The following WDSUB1 variants were observed in gnomAD, a reference collection of about 807,000 sequenced individuals.
The protein encoded by WDSUB1 is WD repeat, sterile alpha motif and U-box domain containing 1, also known as WD repeat, SAM and U-box domain-containing protein 1.
A neutral mutation model predicts 53.9 loss-of-function variants in WDSUB1; 49 were observed. That is an observed-to-expected ratio of 0.91 (90% CI 0.72 to 1.15). WDSUB1 has a LOEUF of 1.15. Among genes scored for constraint, WDSUB1 ranks in the 50% most tolerant of loss-of-function variants. The pLI, the probability that WDSUB1 is intolerant of heterozygous loss-of-function variation, is 0.00. For synonymous variants in WDSUB1, 194 were observed against 200.6 expected, an observed-to-expected ratio of 0.97 and a Z score of 0.28; for missense variants, 514 against 562.0, an observed-to-expected ratio of 0.91 and a Z score of 0.86.
At chr2:159,266,979 C>T (rs2061359163) in intron 5 of WDSUB1, among the ~76,000 whole-genome samples, 1 of 151,926 alleles carries the variant, frequency 6.6e-6, no homozygotes, top group Non-Finnish European at 1.5e-5. Context: ...TCCTATGTTG[C>T]CCAGGCTGGT....
intron 9 of WDSUB1, among the ~76,000 whole-genome samples, chr2:159,252,646 C>A (rs956180239): frequency 3.3e-5 from 5 of 152,144 alleles, no homozygotes; most frequent in African/African-American, 1.2e-4. Flanking sequence ...AACAAAAAAA[C>A]TGTAAATGTT....
chr2:159,241,415 A>T (rs2060643513), intron 10 of WDSUB1, among the ~76,000 whole-genome samples: 2 of 152,166 alleles, frequency 1.3e-5, no homozygotes, highest in Non-Finnish European at 2.9e-5. Flanking sequence ...TACAAAAATT[A>T]GCCAGACATG....
intron 10 of WDSUB1, 54 bp downstream of exon 10, chr2:159,248,318 T>C (rs1559532797): frequency 6.3e-7 from 1 of 1,578,922 alleles, no homozygotes; most frequent in East Asian, 2.3e-5. Context: ...GTCTAAACTT[T>C]TTATTCATTT....
intron 4 of WDSUB1, among the ~76,000 whole-genome samples, chr2:159,274,874 T>C (rs2061508142): frequency 6.6e-6 from 1 of 152,210 alleles, no homozygotes; most frequent in Admixed American, 6.5e-5. Flanking sequence ...TTTGAGATCT[T>C]ACATTTATAA....
intron 6 of WDSUB1, 84 bp downstream of exon 6, chr2:159,259,726 C>T: frequency 7.4e-7 from 1 of 1,346,298 alleles, no homozygotes; most frequent in Non-Finnish European, 1.0e-6. Flanking sequence ...AAAATATATA[C>T]TTTTTCTACC....
chr2:159,236,996 C>CTACTT (rs1387196051), intron 10 of WDSUB1, among the ~76,000 whole-genome samples: 1 of 152,196 alleles, frequency 6.6e-6, no homozygotes, highest in Non-Finnish European at 1.5e-5. Flanking sequence ...TTTTGCTTCA[C>CTACTT]TACTTTCATT....
intron 5 of WDSUB1, among the ~76,000 whole-genome samples, chr2:159,266,440 G>C (rs61141155): frequency 0.11 from 16,448 of 152,106 alleles, 2,144 homozygotes; most frequent in African/African-American, 0.31. Flanking sequence ...CGCCCGCCTC[G>C]GCCTCCCAAA....
At chr2:159,240,405 C>G (rs1044802600) in intron 10 of WDSUB1, among the ~76,000 whole-genome samples, 1 of 152,170 alleles carries the variant, frequency 6.6e-6, no homozygotes, top group Non-Finnish European at 1.5e-5. Flanking sequence ...ATTGTAATAA[C>G]TTTCTGAAGA....
At chr2:159,271,615 CT>C in intron 5 of WDSUB1, 86 bp downstream of exon 5, 1 of 1,147,234 alleles carries the variant, frequency 8.7e-7, no homozygotes. Context: ...GCTCATCAAG[CT>C]ATTCTTTGAG....
chr2:159,274,305 A>G (rs976542816), intron 4 of WDSUB1, among the ~76,000 whole-genome samples: 1 of 152,156 alleles, frequency 6.6e-6, no homozygotes, highest in Non-Finnish European at 1.5e-5. Flanking sequence ...GGAGTTCAAG[A>G]CCATCCTGAG....
intron 10 of WDSUB1, among the ~76,000 whole-genome samples, chr2:159,248,076 CAA>C (rs1575439699): frequency 6.7e-6 from 1 of 150,330 alleles, no homozygotes; most frequent in Non-Finnish European, 1.5e-5. Flanking sequence ...TAGACAAACA[CAA>C]GAGATCTCAA....
chr2:159,235,835 C>A lies in WDSUB1; in HGVS notation c.*198G>T. The A allele has an allele frequency of 2.3e-6, 1 of 429,642 alleles. No homozygotes were observed. The highest frequency in any genetic ancestry group is 3.9e-6 in the Non-Finnish European group (1 of 255,332). The allele number at this position is 429,642 out of a possible 1,614,324, so 26.6% of individuals were successfully genotyped here. A position where few individuals can be genotyped will look rare whatever the true frequency, so the allele number is the denominator to read the frequency against. Reference sequence around the variant, plus strand: ...CTTTATTTCTATATAGCTGAAGATTCTTTTCACTAGTACAAAAAGGCTTTT... The same window carrying A: ...CTTTATTTCTATATAGCTGAAGATTATTTTCACTAGTACAAAAAGGCTTTT... On this transcript the variant is annotated 3_prime_UTR_variant, in exon 11 of 11. Coordinates refer to ENST00000359774, the MANE Select transcript of WDSUB1 (RefSeq NM_001128212.3).
chr2:159,238,046 T>C (rs1649302824), intron 10 of WDSUB1, among the ~76,000 whole-genome samples: 1 of 152,212 alleles, frequency 6.6e-6, no homozygotes, highest in African/African-American at 2.4e-5. Flanking sequence ...GTATATGTTG[T>C]CAAACTCCTG....
At chr2:159,263,468 G>A (rs1190775483) in intron 5 of WDSUB1, among the ~76,000 whole-genome samples, 1 of 152,198 alleles carries the variant, frequency 6.6e-6, no homozygotes, top group Non-Finnish European at 1.5e-5. Context: ...AAAAACACGT[G>A]TCATAGGTCC....
chr2:159,247,535 T>G (rs1183350234), intron 10 of WDSUB1, among the ~76,000 whole-genome samples: 1 of 152,046 alleles, frequency 6.6e-6, no homozygotes, highest in Non-Finnish European at 1.5e-5. Flanking sequence ...CTGGCAGCAC[T>G]CTAAACTGTT....
At position 159,247,916 on chromosome 2, in the gene WDSUB1, T is replaced by A. The variant is rs867797091; in HGVS notation, c.1273+456A>T. On this transcript the variant is annotated intron_variant, in intron 10 of 10. Transcript: ENST00000359774. Reference sequence around the variant, plus strand: ...ATATATATATATATATATAAATATATATATATATATAAATATATATATATA... The same window carrying A: ...ATATATATATATATATATAAATATAAATATATATATAAATATATATATATA... Among the ~76,000 whole-genome samples, 322 of 73,418 alleles carry A rather than the reference T, an allele frequency of 4.4e-3. 11 individuals carry two copies. The highest frequency in any genetic ancestry group is 0.041 in the East Asian group (105 of 2,556). 48.2% of individuals were successfully genotyped at this position (73,418 alleles called of 152,430 possible).
At chr2:159,250,108 G>A (rs113193373) in intron 9 of WDSUB1, among the ~76,000 whole-genome samples, 2,314 of 120,456 alleles carry the variant, frequency 0.019, 258 homozygotes, top group Non-Finnish European at 0.03. Flanking sequence ...AAAAAAAAAA[G>A]AAGGGAAGGG....
At chr2:159,256,405 A>T in intron 8 of WDSUB1, 30 bp from the exon 9 acceptor site, 1 of 1,571,416 alleles carries the variant, frequency 6.4e-7, no homozygotes, top group Non-Finnish European at 8.6e-7. Context: ...TAAGTGAGAT[A>T]ACAAAAAAGT....
rs7560195 is a variant in WDSUB1 at position 159,258,467 on chromosome 2, T to C, written c.805-482A>G. On this transcript the variant is annotated intron_variant, in intron 6 of 10. Transcript: ENST00000359774. ...TGAGCTCAGGAGTTTGAGACCAGCC[T>C]GGCCAACACGGTGAAACCCCATCCC... is the stretch of plus-strand genomic sequence containing the variant. Among the ~76,000 whole-genome samples the C allele has an allele frequency of 8.1e-3, 1,237 of 152,316 alleles. 11 individuals carry two copies. Among genetic ancestry groups the C allele is most frequent in the African/African-American group, 0.023 (953 of 41,568 alleles).
Sources: allele counts gnomAD v4.1 joint callset (sites outside exome capture counted in the v4.1 genomes callset), GRCh38; gene constraint gnomAD v4.1.1; transcripts MANE v1.5; gene names NCBI Gene and HGNC (gene_info 2026-07-23, HGNC 2026-07-21).